Variants in ABLIM2 observed in about 807,000 individuals in gnomAD.
ABLIM2 encodes the protein actin-binding LIM protein 2.
Under a neutral mutation model 97.7 loss-of-function variants are expected in ABLIM2, and 53 were observed. That is an observed-to-expected ratio of 0.54 (90% CI 0.44 to 0.68). The LOEUF is 0.68. Among genes scored for constraint, ABLIM2 ranks in the 30% least tolerant of loss-of-function variants. ABLIM2 has a pLI of 0.00. For synonymous variants in ABLIM2, 361 were observed against 345.8 expected (o/e 1.04, Z -0.49); for missense variants, 835 against 867.2 (o/e 0.96, Z 0.47).
chr4:8,070,851 G>C (rs1811500972), intron 6 of ABLIM2, among the ~76,000 whole-genome samples: 1 of 152,110 alleles, frequency 6.6e-6, no homozygotes, highest in South Asian at 2.1e-4. Flanking sequence ...CAGAACCAGG[G>C]GGACGCTGGG....
At chr4:8,139,685 T>C (rs1260667287) in intron 1 of ABLIM2, among the ~76,000 whole-genome samples, 6 of 152,212 alleles carry the variant, frequency 3.9e-5, no homozygotes, top group Admixed American at 2.6e-4. Flanking sequence ...TTGTGAAAGA[T>C]AGTGTGCTGA....
chr4:7,969,770 G>C (rs1197249748), intron 20 of ABLIM2, among the ~76,000 whole-genome samples: 65 of 94,884 alleles, frequency 6.9e-4, no homozygotes, highest in East Asian at 3.3e-3. Flanking sequence ...CACACACACA[G>C]CCTATCCAGC....
At chr4:7,968,673 G>A (rs1247897502) in intron 20 of ABLIM2, among the ~76,000 whole-genome samples, 2 of 152,188 alleles carry the variant, frequency 1.3e-5, no homozygotes, top group African/African-American at 4.8e-5. Context: ...GCCAGGGACT[G>A]GGGGAGAGAG....
At chr4:8,105,487 T>A (rs758600599) in intron 2 of ABLIM2, among the ~76,000 whole-genome samples, 21 of 152,192 alleles carry the variant, frequency 1.4e-4, no homozygotes, top group Non-Finnish European at 2.8e-4. Context: ...AGCCATTGGA[T>A]GGGGGCCGTG....
rs926069528 is a variant in ABLIM2, at chr4:8,002,950, A to G, written c.1618+5109T>C. On this transcript the variant is annotated intron_variant, in intron 16 of 20. Transcript: ENST00000447017. The surrounding 1 kb of genome is among the most constrained non-coding windows in gnomAD (Gnocchi z 6.1). ...GTGCACCCTTCCCCCAGCCCTCTCT[A>G]GCCCTCTTAGCACAGGGCACTGATA... Among the ~76,000 whole-genome samples, 2 of 152,130 alleles carry G rather than the reference A, an allele frequency of 1.3e-5. No individual in the cohort carries two copies. The highest frequency in any genetic ancestry group is 4.8e-5 in the African/African-American group (2 of 41,428).
At chr4:7,980,196 C>G (rs542322829) in intron 20 of ABLIM2, among the ~76,000 whole-genome samples, 1 of 152,232 alleles carries the variant, frequency 6.6e-6, no homozygotes, top group South Asian at 2.1e-4. Context: ...TAGTTCAGGC[C>G]ATGAAGGGAA....
chr4:8,104,415 C>A (rs1457681304), intron 2 of ABLIM2, among the ~76,000 whole-genome samples: 2 of 152,196 alleles, frequency 1.3e-5, no homozygotes, highest in African/African-American at 4.8e-5. Context: ...ATTGGGGTAC[C>A]TGGGATGCCA....
intron 20 of ABLIM2, among the ~76,000 whole-genome samples, chr4:7,982,868 T>C (rs1343840879): frequency 1.3e-5 from 2 of 152,094 alleles, no homozygotes; most frequent in Admixed American, 6.5e-5. Context: ...CACGCCCACC[T>C]AAGTTTTGTA....
At chr4:8,036,500 G>T (rs907312281) in intron 9 of ABLIM2, among the ~76,000 whole-genome samples, 1 of 152,142 alleles carries the variant, frequency 6.6e-6, no homozygotes, top group Admixed American at 6.5e-5. Context: ...CCGTGAAGAG[G>T]GTGCTGGGGT....
intron 1 of ABLIM2, among the ~76,000 whole-genome samples, chr4:8,142,955 G>T (rs1304279108): frequency 2.0e-5 from 3 of 152,136 alleles, no homozygotes; most frequent in Non-Finnish European, 4.4e-5. Flanking sequence ...GCACAGGGAC[G>T]TGGCCTTGGG....
chr4:8,048,175 C>A (rs946938648), intron 8 of ABLIM2, among the ~76,000 whole-genome samples: 1 of 152,222 alleles, frequency 6.6e-6, no homozygotes, highest in African/African-American at 2.4e-5. Flanking sequence ...GGGGATGAGT[C>A]AGAAGGGAGC....
chr4:8,116,562 C>G (rs542780369), intron 1 of ABLIM2, among the ~76,000 whole-genome samples: 199 of 152,318 alleles, frequency 1.3e-3, no homozygotes, highest in African/African-American at 4.5e-3. Context: ...CAAATGGCTC[C>G]ATCTATGTTG....
In ABLIM2 at chr4:7,999,991, C is replaced by T. The variant is rs1033314441; in HGVS notation, c.1619-7064G>A. Among the ~76,000 whole-genome samples the T allele has an allele frequency of 6.6e-6, 1 of 152,206 alleles. No homozygotes were observed. The highest frequency in any genetic ancestry group is 2.4e-5 in the African/African-American group (1 of 41,456). ...ACCTTGTGGGCAGAGGACTGTGGCT[C>T]ACACAGCATCCGGGTCTGCTTTGTG... is the stretch of plus-strand genomic sequence containing the variant. On this transcript the variant is annotated intron_variant, in intron 16 of 20. Coordinates refer to ENST00000447017, the MANE Select transcript of ABLIM2 (RefSeq NM_001130083.2). This position sits in a 1 kb window ranked among gnomAD's most constrained non-coding sequence, Gnocchi z 4.4.
rs185107870 is a variant in ABLIM2, at chr4:8,001,015, G to A, written c.1618+7044C>T. On this transcript the variant is annotated intron_variant, in intron 16 of 20. Transcript: ENST00000447017. This position sits in a 1 kb window ranked among gnomAD's most constrained non-coding sequence, Gnocchi z 4.2. ...TGGGCACCTGACCCGTGAGCCACTC[G>A]CTTGGGCAGTTCCCATCCGCTCCTG... Among the ~76,000 whole-genome samples the A allele has an allele frequency of 2.6e-5, 4 of 152,292 alleles. No individual in the cohort carries two copies. Among genetic ancestry groups the A allele is most frequent in the East Asian group, 3.9e-4 (2 of 5,170 alleles).
intron 17 of ABLIM2, among the ~76,000 whole-genome samples, chr4:7,987,603 C>T (rs146479521): frequency 6.6e-6 from 1 of 152,282 alleles, no homozygotes; most frequent in East Asian, 1.9e-4. Flanking sequence ...GCATAACGGG[C>T]TTCCAAAACT....
Position 8,112,932 on chromosome 4 carries a change from G to A in ABLIM2, c.11-6295C>T, listed in dbSNP as rs983396803. On this transcript the variant is annotated intron_variant, in intron 1 of 20. Transcript: ENST00000447017. This position sits in a 1 kb window ranked among gnomAD's most constrained non-coding sequence, Gnocchi z 4.2. ...AGCAGACGCACTGTCAGGTACTGGG[G>A]AGAGAGGTGTGCCATTCAGCACCAC... Among the ~76,000 whole-genome samples, 1 of 152,176 alleles carries A rather than the reference G, an allele frequency of 6.6e-6. No homozygotes were observed. Among genetic ancestry groups the A allele is most frequent in the Admixed American group, 6.5e-5 (1 of 15,282 alleles).
At chr4:7,997,702 G>T (rs1349338687) in intron 16 of ABLIM2, among the ~76,000 whole-genome samples, 1 of 152,080 alleles carries the variant, frequency 6.6e-6, no homozygotes, top group Non-Finnish European at 1.5e-5. Flanking sequence ...CTGCTGGGTG[G>T]GAGATGTGGG....
In ABLIM2 at chr4:8,125,399, G is replaced by A. The variant is rs1847409739; in HGVS notation, c.11-18762C>T. ...TTTACACAAATAGAATTGCATCTAT[G>A]TGACTGCTAGTTTTAATTGTGGATA... On this transcript the variant is annotated intron_variant, in intron 1 of 20. Transcript: ENST00000447017. This position sits in a 1 kb window ranked among gnomAD's most constrained non-coding sequence, Gnocchi z 6.2. Among the ~76,000 whole-genome samples the A allele has an allele frequency of 6.6e-6, 1 of 152,226 alleles. No individual in the cohort carries two copies. Among genetic ancestry groups the A allele is most frequent in the Admixed American group, 6.5e-5 (1 of 15,286 alleles).
At chr4:8,037,678 AC>A (rs1276540418) in intron 9 of ABLIM2, among the ~76,000 whole-genome samples, 3 of 148,724 alleles carry the variant, frequency 2.0e-5, no homozygotes, top group Admixed American at 6.7e-5. Context: ...CACATTCACC[AC>A]CCCCCATGCC....
Sources: gnomAD v4.1 joint callset for allele counts (sites outside exome capture counted in the v4.1 genomes callset) on GRCh38, gnomAD v4.1.1 for gene constraint, Gnocchi (gnomAD v3.1) non-coding constraint, MANE v1.5 for transcripts, NCBI Gene and HGNC (gene_info 2026-07-23, HGNC 2026-07-21) for gene names.